The following DOCK10 variants were observed in gnomAD, a reference collection of about 807,000 sequenced individuals.
The protein encoded by DOCK10 is dedicator of cytokinesis 10, also known as dedicator of cytokinesis protein 10.
A neutral mutation model predicts 280.1 loss-of-function variants in DOCK10; 145 were observed. The ratio of observed to expected loss-of-function variants is 0.52; its 90% CI spans 0.45 to 0.59. The LOEUF is 0.59. Among genes scored for constraint, DOCK10 ranks in the 20% least tolerant of loss-of-function variants. DOCK10 has a pLI of 0.00. For missense variants in DOCK10, 2,368 were observed against 2,651.7 expected (o/e 0.89, Z 2.35); for synonymous variants, 915 against 942.2 (o/e 0.97, Z 0.53).
intron 1 of DOCK10, among the ~76,000 whole-genome samples, chr2:224,984,477 C>G (rs997177063): frequency 2.6e-5 from 4 of 152,204 alleles, no homozygotes; most frequent in Non-Finnish European, 4.4e-5. Flanking sequence ...GAATTCACCC[C>G]TATTATTGAC....
At chr2:224,994,543 A>ACAT (rs1706214897) in intron 1 of DOCK10, among the ~76,000 whole-genome samples, 1 of 152,210 alleles carries the variant, frequency 6.6e-6, no homozygotes, top group Admixed American at 6.5e-5. Flanking sequence ...ACTCACTAAA[A>ACAT]CATTGTCACA....
intron 48 of DOCK10, among the ~76,000 whole-genome samples, chr2:224,788,714 G>A (rs10498167): frequency 0.012 from 1,824 of 152,032 alleles, 37 homozygotes; most frequent in African/African-American, 0.038. Context: ...GAACTTTTAC[G>A]TCCACCTGCA....
At chr2:224,860,524 C>T (rs1386884294) in intron 14 of DOCK10, 1 of 151,904 alleles carries the variant, frequency 6.6e-6, no homozygotes, top group Non-Finnish European at 1.5e-5. Context: ...TTATAAGTAA[C>T]TTGCCCAAGC....
At chr2:224,907,342 T>C (rs576719659) in intron 3 of DOCK10, among the ~76,000 whole-genome samples, 1 of 152,260 alleles carries the variant, frequency 6.6e-6, no homozygotes, top group South Asian at 2.1e-4. Context: ...TGTCTTAGAA[T>C]TGCATGACCT....
chr2:224,960,433 G>T (rs1352874280), intron 1 of DOCK10, among the ~76,000 whole-genome samples: 1 of 152,134 alleles, frequency 6.6e-6, no homozygotes, highest in East Asian at 1.9e-4. Context: ...TAACTTATTT[G>T]TCTTTACAGA....
At chr2:225,029,803 C>G (rs1317822973) in intron 1 of DOCK10, among the ~76,000 whole-genome samples, 1 of 151,970 alleles carries the variant, frequency 6.6e-6, no homozygotes, top group Non-Finnish European at 1.5e-5. Flanking sequence ...TCATTATTTT[C>G]TATATTTTGA....
intron 22 of DOCK10, among the ~76,000 whole-genome samples, chr2:224,842,535 G>A (rs1696033008): frequency 6.6e-6 from 1 of 152,180 alleles, no homozygotes; most frequent in South Asian, 2.1e-4. Context: ...TATGATTCCA[G>A]AAAGGCATTT....
chr2:224,875,042 T>C (rs1332307845), intron 8 of DOCK10, among the ~76,000 whole-genome samples: 2 of 152,236 alleles, frequency 1.3e-5, no homozygotes. Context: ...ACTTACTTCA[T>C]TAATGCATAC....
At chr2:224,914,925 A>G (rs1231947625) in intron 3 of DOCK10, among the ~76,000 whole-genome samples, 1 of 152,208 alleles carries the variant, frequency 6.6e-6, no homozygotes, top group Non-Finnish European at 1.5e-5. Flanking sequence ...GGAAATCAAC[A>G]GCTTTTGAAA....
At chr2:224,864,828 A>C in intron 12 of DOCK10, 38 bp downstream of exon 12, 1 of 1,610,850 alleles carries the variant, frequency 6.2e-7, no homozygotes, top group Non-Finnish European at 8.5e-7. Context: ...TAATGGTACA[A>C]GCATTTTCCA....
chr2:225,035,138 C>T (rs1245943492), intron 1 of DOCK10, among the ~76,000 whole-genome samples: 1 of 152,176 alleles, frequency 6.6e-6, no homozygotes, highest in Non-Finnish European at 1.5e-5. Flanking sequence ...AAATTCTGCT[C>T]TCCAGACTCA....
intron 1 of DOCK10, chr2:224,982,086 G>T (rs939330289): frequency 4.5e-6 from 3 of 660,926 alleles, no homozygotes; most frequent in African/African-American, 3.8e-5. Flanking sequence ...CAGTACTTCA[G>T]AGTAGTAAAC....
At chr2:224,783,273 A>ATTTTTTTTT (rs10713926) in intron 50 of DOCK10, among the ~76,000 whole-genome samples, 1 of 143,998 alleles carries the variant, frequency 6.9e-6, no homozygotes, top group Non-Finnish European at 1.5e-5. Context: ...TCAGACTGGA[A>ATTTTTTTTT]TTTTTTTTTT....
intron 3 of DOCK10, among the ~76,000 whole-genome samples, chr2:224,898,221 CGA>C (rs1700095271): frequency 6.6e-6 from 1 of 152,000 alleles, no homozygotes; most frequent in African/African-American, 2.4e-5. Context: ...AAACGCAGGG[CGA>C]GGGGACGGGG....
chr2:224,863,124 T>C (rs745851459), intron 13 of DOCK10, among the ~76,000 whole-genome samples: 1 of 152,244 alleles, frequency 6.6e-6, no homozygotes, highest in Non-Finnish European at 1.5e-5. Flanking sequence ...ACTGGTTCTG[T>C]AAAGAGTCAT....
chr2:224,903,503 A>AG (rs1372723504), intron 3 of DOCK10, among the ~76,000 whole-genome samples: 4 of 152,230 alleles, frequency 2.6e-5, no homozygotes, highest in African/African-American at 4.8e-5. Context: ...GTGTTAAGGC[A>AG]GTTGAATAAA....
At chr2:224,784,820 T>C in intron 50 of DOCK10, 1 of 1,240,198 alleles carries the variant, frequency 8.1e-7, no homozygotes, top group Non-Finnish European at 1.1e-6. Context: ...GTGATTCACT[T>C]CTACCTGCTT....
At chr2:224,788,570 A>G (rs1376168131) in intron 48 of DOCK10, among the ~76,000 whole-genome samples, 1 of 152,200 alleles carries the variant, frequency 6.6e-6, no homozygotes, top group African/African-American at 2.4e-5. Flanking sequence ...AAAATATTTT[A>G]CTTAATGAGA....
At chr2:225,022,150 C>T (rs1559970520) in intron 1 of DOCK10, among the ~76,000 whole-genome samples, 1 of 152,192 alleles carries the variant, frequency 6.6e-6, no homozygotes, top group African/African-American at 2.4e-5. Context: ...CACAAACACA[C>T]AGTAGCTTAC....
Sources: gnomAD v4.1 joint callset for allele counts (sites outside exome capture counted in the v4.1 genomes callset) on GRCh38, gnomAD v4.1.1 for gene constraint, MANE v1.5 for transcripts, NCBI Gene and HGNC (gene_info 2026-07-23, HGNC 2026-07-21) for gene names.